The following CADPS2 variants were observed in gnomAD, a reference collection of about 807,000 sequenced individuals.
CADPS2 encodes the protein calcium dependent secretion activator 2, also known as calcium-dependent secretion activator 2.
A neutral mutation model predicts 172.5 loss-of-function variants in CADPS2; 93 were observed. That is an observed-to-expected ratio of 0.54 (90% CI 0.46 to 0.64). CADPS2 has a LOEUF of 0.64. Among genes scored for constraint, CADPS2 ranks in the 30% least tolerant of loss-of-function variants. CADPS2 has a pLI of 0.00. For synonymous variants in CADPS2, 546 were observed against 555.2 expected (o/e 0.98, Z 0.23); for missense variants, 1,420 against 1,565.9 (o/e 0.91, Z 1.57).
intron 23 of CADPS2, among the ~76,000 whole-genome samples, chr7:122,388,071 C>G (rs1036193476): frequency 1.3e-5 from 2 of 152,118 alleles, no homozygotes; most frequent in East Asian, 1.9e-4. Flanking sequence ...GAATATGAAG[C>G]CTCATAACTT....
intron 25 of CADPS2, among the ~76,000 whole-genome samples, chr7:122,361,246 TA>T (rs199505684): frequency 0.067 from 7,278 of 109,258 alleles, 717 homozygotes; most frequent in African/African-American, 0.18. Context: ...TTTTTTTTTT[TA>T]AAATGAGATG....
At chr7:122,555,298 G>A (rs1054163770) in intron 7 of CADPS2, among the ~76,000 whole-genome samples, 4 of 151,924 alleles carry the variant, frequency 2.6e-5, no homozygotes, top group African/African-American at 9.7e-5. Flanking sequence ...CTGCCAAATT[G>A]ACAAGTGATT....
At position 122,329,262 on chromosome 7, in the gene CADPS2, TGGCA is replaced by T. The variant is rs779059245; in HGVS notation, c.3613-3685_3613-3682del. Among the ~76,000 whole-genome samples the T allele has an allele frequency of 1.2e-4, 18 of 152,172 alleles. 1 individual carries two copies. The highest frequency in any genetic ancestry group is 2.4e-4 in the Non-Finnish European group (16 of 68,026). Reference sequence around the variant, plus strand: ...TGAAAGAGGGTGCAGTCTGAATGGCTGGCATTGATCCCCAACTGTGTCAGCACTG... The same window carrying T: ...TGAAAGAGGGTGCAGTCTGAATGGCTTTGATCCCCAACTGTGTCAGCACTG... On this transcript the variant is annotated intron_variant, in intron 28 of 29. Coordinates refer to ENST00000449022, the MANE Select transcript of CADPS2 (RefSeq NM_017954.11).
intron 3 of CADPS2, among the ~76,000 whole-genome samples, chr7:122,633,331 A>G (rs2076757760): frequency 6.6e-6 from 1 of 152,076 alleles, no homozygotes; most frequent in Non-Finnish European, 1.5e-5. Context: ...ATGAATATGG[A>G]ATATTTTTCC....
At chr7:122,374,962 A>G (rs775297341) in intron 25 of CADPS2, among the ~76,000 whole-genome samples, 4 of 152,242 alleles carry the variant, frequency 2.6e-5, no homozygotes, top group Non-Finnish European at 5.9e-5. Context: ...AGCATCAAAA[A>G]TAATGCAGTA....
intron 6 of CADPS2, among the ~76,000 whole-genome samples, chr7:122,602,438 A>G (rs984177792): frequency 3.9e-5 from 6 of 152,088 alleles, no homozygotes; most frequent in Non-Finnish European, 8.8e-5. Flanking sequence ...GAAGCTATAC[A>G]TAAGTCACTA....
intron 2 of CADPS2, chr7:122,699,015 C>A (rs1458398295): frequency 2.4e-6 from 2 of 833,542 alleles, no homozygotes; most frequent in African/African-American, 3.4e-5. Context: ...CTTCAGGATA[C>A]AAACAAGATC....
At chr7:122,738,588 A>T (rs1041133825) in intron 1 of CADPS2, among the ~76,000 whole-genome samples, 1 of 152,142 alleles carries the variant, frequency 6.6e-6, no homozygotes, top group Admixed American at 6.6e-5. Context: ...ATCTGGAAAC[A>T]TACTGAGGAT....
chr7:122,848,040 T>C (rs1399363981), intron 1 of CADPS2, among the ~76,000 whole-genome samples: 1 of 152,242 alleles, frequency 6.6e-6, no homozygotes, highest in Non-Finnish European at 1.5e-5. Context: ...CTGATCTCAT[T>C]AGAACACTCA....
intron 7 of CADPS2, among the ~76,000 whole-genome samples, chr7:122,562,945 G>A (rs2132259670): frequency 6.6e-6 from 1 of 150,880 alleles, no homozygotes; most frequent in East Asian, 1.9e-4. Flanking sequence ...AGACCATTAT[G>A]TTTATATTAC....
chr7:122,470,920 G>T (rs1159297781), intron 14 of CADPS2, among the ~76,000 whole-genome samples: 1 of 152,162 alleles, frequency 6.6e-6, no homozygotes, highest in Non-Finnish European at 1.5e-5. Flanking sequence ...AAGTGGCTAA[G>T]AAGAGACTCT....
intron 1 of CADPS2, among the ~76,000 whole-genome samples, chr7:122,750,391 G>A (rs1311971850): frequency 6.6e-6 from 1 of 151,930 alleles, no homozygotes; most frequent in Non-Finnish European, 1.5e-5. Context: ...AAATATAATG[G>A]GCAACCTATA....
At chr7:122,517,288 G>C (rs1298345263) in intron 8 of CADPS2, among the ~76,000 whole-genome samples, 2 of 152,026 alleles carry the variant, frequency 1.3e-5, no homozygotes, top group African/African-American at 4.8e-5. Context: ...GCAAGAATGT[G>C]TTTATTCACT....
rs148770807 is a variant in CADPS2 at position 122,813,226 on chromosome 7, A to G, written c.339+72773T>C. ...TGACCCTCCCTGCAAGAAGTAAGTC[A>G]ATACCTACATTTTACATATTTTTCT... On this transcript the variant is annotated intron_variant, in intron 1 of 29. Transcript: ENST00000449022. Among the ~76,000 whole-genome samples, 267 of 152,256 alleles carry G rather than the reference A, an allele frequency of 1.8e-3. 1 individual carries two copies. The highest frequency in any genetic ancestry group is 6.0e-3 in the African/African-American group (250 of 41,564).
chr7:122,546,847 T>C (rs889927877), intron 8 of CADPS2, among the ~76,000 whole-genome samples: 10 of 152,154 alleles, frequency 6.6e-5, no homozygotes, highest in African/African-American at 2.4e-4. Context: ...TGGTTCCTTG[T>C]ATATTTCTCC....
chr7:122,379,271 C>G (rs1331126255), intron 25 of CADPS2, 97 bp downstream of exon 25: 1 of 781,724 alleles, frequency 1.3e-6, no homozygotes, highest in Non-Finnish European at 2.0e-6. Flanking sequence ...ATCTTTTAAA[C>G]TACATTTTTT....
chr7:122,402,901 C>T (rs918758419), intron 20 of CADPS2, among the ~76,000 whole-genome samples: 2 of 152,118 alleles, frequency 1.3e-5, no homozygotes, highest in Non-Finnish European at 2.9e-5. Flanking sequence ...GTAATTATTT[C>T]GAATTTAGAC....
chr7:122,594,850 G>A (rs1379414344), intron 6 of CADPS2, among the ~76,000 whole-genome samples: 3 of 151,726 alleles, frequency 2.0e-5, no homozygotes, highest in Non-Finnish European at 2.9e-5. Flanking sequence ...AAAGCACAGT[G>A]CTTTATAAGA....
In CADPS2 at chr7:122,710,456, C is replaced by G. The variant is rs143367575; in HGVS notation, c.453+26499G>C. Among the ~76,000 whole-genome samples, 826 of 152,158 alleles carry G rather than the reference C, an allele frequency of 5.4e-3. 10 individuals are homozygous for G. The highest frequency in any genetic ancestry group is 0.019 in the African/African-American group (779 of 41,530). On this transcript the variant is annotated intron_variant, in intron 2 of 29. Transcript: ENST00000449022. Reference sequence around the variant, plus strand: ...AGTGAAATCCAGTTTCTGCTACATGCTAGCCATTTAAGCTGAGCCACATTG... The same window carrying G: ...AGTGAAATCCAGTTTCTGCTACATGGTAGCCATTTAAGCTGAGCCACATTG...
Sources: allele counts gnomAD v4.1 joint callset (sites outside exome capture counted in the v4.1 genomes callset), GRCh38; gene constraint gnomAD v4.1.1; transcripts MANE v1.5; gene names NCBI Gene and HGNC (gene_info 2026-07-23, HGNC 2026-07-21).